ZNF93: variants seen among roughly 807,000 people sequenced by gnomAD.
ZNF93 encodes zinc finger protein 505.
A neutral mutation model predicts 45.0 loss-of-function variants in ZNF93; 29 were observed. That is an observed-to-expected ratio of 0.64 (90% confidence interval 0.48 to 0.88). ZNF93 has a LOEUF of 0.88. Ranked by LOEUF, ZNF93 falls within the 40% of genes least tolerant of loss-of-function variation. ZNF93 has a pLI of 0.00. For synonymous variants in ZNF93, 223 were observed against 244.6 expected, an observed-to-expected ratio of 0.91 and a Z score of 0.82; for missense variants, 578 against 724.0, an observed-to-expected ratio of 0.80 and a Z score of 2.31.
At chr19:19,927,674 T>C (rs2063360345) in intron 3 of ZNF93, among the ~76,000 whole-genome samples, 1 of 152,242 alleles carries the variant, frequency 6.6e-6, no homozygotes, top group Admixed American at 6.5e-5. Flanking sequence ...TAATATTCCA[T>C]TGTATGTATA....
At chr19:19,922,748 C>T (rs980746074) in intron 3 of ZNF93, among the ~76,000 whole-genome samples, 10 of 152,224 alleles carry the variant, frequency 6.6e-5, no homozygotes, top group Non-Finnish European at 1.5e-5. Context: ...GATGCTTATG[C>T]ATTTGTCACA....
chr19:19,925,311 A>G (rs555346874), intron 3 of ZNF93, among the ~76,000 whole-genome samples: 138 of 152,342 alleles, frequency 9.1e-4, no homozygotes, highest in Non-Finnish European at 1.3e-3. Flanking sequence ...TCATCTTGCT[A>G]CATAATCCAG....
intron 3 of ZNF93, among the ~76,000 whole-genome samples, chr19:19,917,781 G>A (rs1423134585): frequency 1.3e-5 from 2 of 152,032 alleles, no homozygotes; most frequent in South Asian, 2.1e-4. Flanking sequence ...CTTTCAATGT[G>A]CTGGGATTAC....
chr19:19,924,081 C>CTTCT (rs1192409433), intron 3 of ZNF93, among the ~76,000 whole-genome samples: 1 of 151,872 alleles, frequency 6.6e-6, no homozygotes, highest in Admixed American at 6.6e-5. Context: ...TCCTTCCTTC[C>CTTCT]TTCTTTCTTC....
At position 19,935,047 on chromosome 19, in the gene ZNF93, T is replaced by G. The variant is rs2063388933; in HGVS notation, c.*229T>G. 2 of 514,128 alleles carry G rather than the reference T, an allele frequency of 3.9e-6. No homozygotes were observed. The highest frequency in any genetic ancestry group is 3.8e-5 in the African/African-American group (2 of 52,322). 31.8% of individuals were successfully genotyped at this position (514,128 alleles called of 1,614,324 possible). ...AAGTGGTTCAATGACTCAGTTTCAG[T>G]TACCTGAGCCACAGCTTAAGGTCAG... On this transcript the variant is annotated 3_prime_UTR_variant, in exon 4 of 4. Coordinates refer to ENST00000343769, the MANE Select transcript of ZNF93 (RefSeq NM_031218.4).
At chr19:19,927,092 A>G (rs1221275901) in intron 3 of ZNF93, 2 of 398,468 alleles carry the variant, frequency 5.0e-6, no homozygotes, top group African/African-American at 4.1e-5. Context: ...TCTTAAATTT[A>G]TTGAAGTTTA....
rs185798623 is a variant in ZNF93 at position 19,933,852 on chromosome 19, A to C, written c.897A>C (p.Thr299=). ...ECGKAFNQSS[T]LTKHKKIHTG... is the part of the protein sequence containing the mutation. ...GCAAAGCTTTTAACCAATCCTCAAC[A>C]CTTACTAAACATAAGAAAATTCATA... is the stretch of plus-strand genomic sequence containing the variant. The change falls in exon 4 of 4, where the codon ACA becomes ACC. Residue 299 remains threonine (T), a synonymous_variant. Transcript: ENST00000343769. 125 of 1,606,054 alleles carry C rather than the reference A, an allele frequency of 7.8e-5. No homozygotes were observed. The African/African-American group carries it at 1.4e-3, about 18-fold the overall frequency.
At chr19:19,914,699 C>G (rs1268515047) in intron 1 of ZNF93, 2 of 271,650 alleles carry the variant, frequency 7.4e-6, no homozygotes, top group African/African-American at 4.7e-5. Flanking sequence ...ATATAGTTTT[C>G]TATGGAAGAT....
chr19:19,913,887 T>C (rs1319328383), intron 1 of ZNF93, among the ~76,000 whole-genome samples: 1 of 152,220 alleles, frequency 6.6e-6, no homozygotes, highest in Non-Finnish European at 1.5e-5. Context: ...CCACTCTGCC[T>C]CCTGGACTGC....
intron 1 of ZNF93, among the ~76,000 whole-genome samples, chr19:19,906,937 T>G (rs57992944): frequency 0.05 from 7,442 of 148,730 alleles, 565 homozygotes; most frequent in African/African-American, 0.16. Context: ...CCATAAAGAT[T>G]CTTTCAGGTG....
At chr19:19,913,482 G>T (rs1470965844) in intron 1 of ZNF93, among the ~76,000 whole-genome samples, 1 of 152,118 alleles carries the variant, frequency 6.6e-6, no homozygotes, top group African/African-American at 2.4e-5. Context: ...GAACTAGAGG[G>T]TGGTCACAGG....
chr19:19,931,016 A>G (rs2063372508), intron 3 of ZNF93, among the ~76,000 whole-genome samples: 1 of 151,858 alleles, frequency 6.6e-6, no homozygotes, highest in Non-Finnish European at 1.5e-5. Flanking sequence ...CATGGAATAT[A>G]CATTTTTTTC....
chr19:19,903,000 A>G (rs1251030139), intron 1 of ZNF93, among the ~76,000 whole-genome samples: 2 of 152,086 alleles, frequency 1.3e-5, no homozygotes, highest in Non-Finnish European at 2.9e-5. Context: ...CGGCCTCCCA[A>G]AGTGCTGGGA....
chr19:19,926,576 G>A (rs567231354), intron 3 of ZNF93, among the ~76,000 whole-genome samples: 17 of 149,636 alleles, frequency 1.1e-4, no homozygotes, highest in African/African-American at 3.7e-4. Context: ...CTCTGCCTCC[G>A]GGGTTCAAGG....
intron 1 of ZNF93, 132 bp from the exon 2 acceptor site, chr19:19,915,148 T>A: frequency 6.6e-7 from 1 of 1,511,808 alleles, no homozygotes; most frequent in Non-Finnish European, 8.9e-7. Context: ...GTGTTGAAGA[T>A]TATTTTATTG....
At chr19:19,920,967 T>A (rs2063341199) in intron 3 of ZNF93, among the ~76,000 whole-genome samples, 1 of 152,196 alleles carries the variant, frequency 6.6e-6, no homozygotes. Context: ...TCTTAGTTAT[T>A]TCTTGCCTTC....
At chr19:19,914,529 A>G (rs1201791129) in intron 1 of ZNF93, among the ~76,000 whole-genome samples, 1 of 152,212 alleles carries the variant, frequency 6.6e-6, no homozygotes, top group Non-Finnish European at 1.5e-5. Context: ...GTCCTAGTGC[A>G]GTTAATGGTT....
At chr19:19,911,321 C>T (rs1383804753) in intron 1 of ZNF93, among the ~76,000 whole-genome samples, 1 of 152,144 alleles carries the variant, frequency 6.6e-6, no homozygotes, top group Non-Finnish European at 1.5e-5. Flanking sequence ...TGAGGATGTC[C>T]AGAGCAGAAT....
chr19:19,921,923 G>A (rs1194412883), intron 3 of ZNF93, among the ~76,000 whole-genome samples: 1 of 152,088 alleles, frequency 6.6e-6, no homozygotes, highest in Non-Finnish European at 1.5e-5. Context: ...TCTTTTAATT[G>A]GAGCATTTAG....
Sources: gnomAD v4.1 joint callset for allele counts (sites outside exome capture counted in the v4.1 genomes callset) on GRCh38, gnomAD v4.1.1 for gene constraint, MANE v1.5 for transcripts, NCBI Gene and HGNC (gene_info 2026-07-23, HGNC 2026-07-21) for gene names.